PPP6R2: variants seen among roughly 807,000 people sequenced by gnomAD.
PPP6R2 encodes the protein serine/threonine-protein phosphatase 6 regulatory subunit 2.
PPP6R2 carries 62 observed loss-of-function variants against 100.2 expected under a neutral mutation model. That is an observed-to-expected ratio of 0.62 (90% CI 0.50 to 0.76). The LOEUF (loss-of-function observed/expected upper bound fraction) is 0.76, where lower values mean the gene tolerates loss of function less well. Ranked by LOEUF, PPP6R2 falls within the 30% of genes least tolerant of loss-of-function variation. PPP6R2 has a pLI of 0.00. For missense variants in PPP6R2, 1,142 were observed against 1,276.3 expected (o/e 0.89, Z 1.60); for synonymous variants, 525 against 514.7 (o/e 1.02, Z -0.27).
intron 10 of PPP6R2, among the ~76,000 whole-genome samples, chr22:50,427,360 T>C (rs929522008): frequency 6.6e-6 from 1 of 152,190 alleles, no homozygotes; most frequent in Non-Finnish European, 1.5e-5. Context: ...TTTTTCCAGA[T>C]TGTTTTGGCT....
chr22:50,442,068 AG>A (rs1406293987), intron 22 of PPP6R2, among the ~76,000 whole-genome samples: 1 of 152,154 alleles, frequency 6.6e-6, no homozygotes, highest in Non-Finnish European at 1.5e-5. Flanking sequence ...GGTGCATCCC[AG>A]TCACTCCTGG....
chr22:50,355,231 T>TC (rs200286987), intron 1 of PPP6R2, among the ~76,000 whole-genome samples: 2,654 of 119,402 alleles, frequency 0.022, 41 homozygotes, highest in Non-Finnish European at 0.032. Context: ...GCAGCCTTCT[T>TC]TTTTTTTTTT....
intron 3 of PPP6R2, among the ~76,000 whole-genome samples, chr22:50,400,993 C>T (rs1270659395): frequency 6.6e-6 from 1 of 152,060 alleles, no homozygotes; most frequent in Non-Finnish European, 1.5e-5. Flanking sequence ...GCCTTTTTGG[C>T]CTACATCTGA....
intron 2 of PPP6R2, among the ~76,000 whole-genome samples, chr22:50,372,757 C>T (rs930206403): frequency 1.3e-5 from 2 of 149,598 alleles, no homozygotes; most frequent in African/African-American, 4.9e-5. Context: ...GGTGTGATCT[C>T]GGCTCACTGC....
chr22:50,422,738 G>C (rs2061500762), intron 9 of PPP6R2, among the ~76,000 whole-genome samples: 1 of 152,156 alleles, frequency 6.6e-6, no homozygotes, highest in Non-Finnish European at 1.5e-5. Flanking sequence ...GTTGAGGGGG[G>C]TGAGGCACAC....
intron 2 of PPP6R2, among the ~76,000 whole-genome samples, chr22:50,384,979 C>T (rs950584246): frequency 2.6e-5 from 4 of 152,096 alleles, no homozygotes; most frequent in African/African-American, 9.7e-5. Context: ...AACTCCTGGC[C>T]TCAAGTGAGC....
the PPP6R2 span, among the ~76,000 whole-genome samples, chr22:50,335,271 G>T: frequency 7.0e-6 from 1 of 143,366 alleles, no homozygotes; most frequent in Non-Finnish European, 1.5e-5. Context: ...CACCGTGTTA[G>T]CCAGGGTGGT....
intron 1 of PPP6R2, among the ~76,000 whole-genome samples, chr22:50,368,006 G>A (rs965816761): frequency 1.3e-5 from 2 of 152,204 alleles, no homozygotes; most frequent in African/African-American, 4.8e-5. Context: ...ACAGGGGGCC[G>A]GCCCTTCCCT....
intron 1 of PPP6R2, among the ~76,000 whole-genome samples, chr22:50,350,376 G>A (rs917572541): frequency 2.7e-5 from 4 of 150,936 alleles, no homozygotes; most frequent in Non-Finnish European, 5.9e-5. Flanking sequence ...GATTACAGGC[G>A]CCCACCACCA....
intron 22 of PPP6R2, 46 bp from the exon 23 acceptor site, chr22:50,443,820 C>T (rs1263215020): frequency 1.1e-5 from 17 of 1,530,444 alleles, no homozygotes; most frequent in Non-Finnish European, 4.4e-6. Flanking sequence ...CGGGGTGGCA[C>T]TGAGGGTGGG....
chr22:50,441,412 C>T (rs1254622784), intron 22 of PPP6R2, among the ~76,000 whole-genome samples: 2 of 152,190 alleles, frequency 1.3e-5, no homozygotes, highest in Non-Finnish European at 2.9e-5. Context: ...GCTGAGCCGC[C>T]TGGGATCTGG....
In PPP6R2 at chr22:50,414,575, G is replaced by A. The variant is rs1334413202; in HGVS notation, c.438G>A (p.Lys146=). The A allele has an allele frequency of 1.2e-6, 2 of 1,614,018 alleles. No homozygotes were observed. The highest frequency in any genetic ancestry group is 4.5e-5 in the East Asian group (2 of 44,876). The change falls in exon 5 of 24, where the codon AAG becomes AAA. Residue 146 remains lysine, a synonymous_variant. Coordinates refer to ENST00000612753, the MANE Select transcript of PPP6R2 (RefSeq NM_001242898.2). ...AGGTGATTACGTTTTTGAAGAAGAA[G>A]GACAAGTTCATCAGCCTGGTGTTGA... is the stretch of plus-strand genomic sequence containing the variant. The part of the protein sequence containing the change: ...TEQVITFLKK[K]DKFISLVLKH...
rs142508420 is a variant in PPP6R2 at position 50,419,487 on chromosome 22, G to A, written c.845+25G>A. On this transcript the variant is annotated intron_variant, in intron 8 of 23. Transcript: ENST00000612753. ...GGTGAGTCTCACGAGGAGAAATCGTGTAGAGCTGAACTTGACGCCTCAGTG... is the reference window on the plus strand; with the variant it reads ...GGTGAGTCTCACGAGGAGAAATCGTATAGAGCTGAACTTGACGCCTCAGTG... The A allele has an allele frequency of 1.9e-6, 3 of 1,551,036 alleles. No individual in the cohort carries two copies. The African/African-American group carries it at 4.1e-5, about 21-fold the overall frequency.
rs967205988 is a variant in PPP6R2 at position 50,372,880 on chromosome 22, G to C, written c.-17+730G>C. ...ATTTTTGTATTTGTAGTAGAGACGGGGTTTCACCATATTGACCAGGGTGGT... is the reference window on the plus strand; with the variant it reads ...ATTTTTGTATTTGTAGTAGAGACGGCGTTTCACCATATTGACCAGGGTGGT... On this transcript the variant is annotated intron_variant, in intron 2 of 23. Transcript: ENST00000612753. 2.0e-5 allele frequency among the ~76,000 whole-genome samples: 3 copies of C among 151,776 alleles called. No individual in the cohort carries two copies. The East Asian group carries it at 5.9e-4, about 30-fold the overall frequency.
chr22:50,370,351 G>A (rs1394234204), intron 1 of PPP6R2, among the ~76,000 whole-genome samples: 6 of 152,078 alleles, frequency 3.9e-5, no homozygotes, highest in South Asian at 2.1e-4. Flanking sequence ...GCAATGGCGC[G>A]ATCTCGGCTC....
chr22:50,370,498 A>AG lies in PPP6R2; in HGVS notation c.-147-1521dup, dbSNP rs2049873934. Among the ~76,000 whole-genome samples the AG allele has an allele frequency of 1.7e-4, 26 of 151,662 alleles. 1 individual carries two copies. The highest frequency in any genetic ancestry group is 1.2e-3 in the Admixed American group (19 of 15,212). On this transcript the variant is annotated intron_variant, in intron 1 of 23. Coordinates refer to ENST00000612753, the MANE Select transcript of PPP6R2 (RefSeq NM_001242898.2). Reference sequence around the variant, plus strand: ...GAGATGGGGTTTCACTATGTTGGCCAGACTGGTCTCGAATGCCTGACCTCG... The same window carrying AG: ...GAGATGGGGTTTCACTATGTTGGCCAGGACTGGTCTCGAATGCCTGACCTCG...
chr22:50,345,311 C>CT (rs1205719827), intron 1 of PPP6R2, among the ~76,000 whole-genome samples: 1 of 3,574 alleles, frequency 2.8e-4, no homozygotes, highest in Non-Finnish European at 4.8e-4. Flanking sequence ...CAGTCAGTTC[C>CT]CCCCCCAGTC....
chr22:50,358,827 C>G (rs73188928), intron 1 of PPP6R2, among the ~76,000 whole-genome samples: 4 of 152,094 alleles, frequency 2.6e-5, no homozygotes, highest in African/African-American at 2.4e-5. Context: ...CTTCTCCATT[C>G]AATTCCATTG....
chr22:50,403,793 T>G (rs915713180), intron 3 of PPP6R2, among the ~76,000 whole-genome samples: 1 of 152,164 alleles, frequency 6.6e-6, no homozygotes, highest in Admixed American at 6.5e-5. Context: ...AGTGGCACTT[T>G]CTTGTCTGGG....
Sources: allele counts gnomAD v4.1 joint callset (sites outside exome capture counted in the v4.1 genomes callset), GRCh38; gene constraint gnomAD v4.1.1; transcripts MANE v1.5; gene names NCBI Gene and HGNC (gene_info 2026-07-23, HGNC 2026-07-21).